Variants in STOX2 observed in about 807,000 individuals in gnomAD.
STOX2 encodes the protein storkhead box 2.
STOX2 carries 28 observed loss-of-function variants against 60.9 expected under a neutral mutation model. The observed-to-expected ratio is 0.46, with a 90% CI of 0.34 to 0.63. The LOEUF is 0.63. Ranked by LOEUF, STOX2 falls within the 30% of genes least tolerant of loss-of-function variation. The probability of loss-of-function intolerance (pLI) is 0.01; values close to 1 mark genes in which losing one functional copy is unlikely to be tolerated. For missense variants in STOX2, 1,024 were observed against 1,187.7 expected, an observed-to-expected ratio of 0.86 and a Z score of 2.03; for synonymous variants, 472 against 463.9, an observed-to-expected ratio of 1.02 and a Z score of -0.22.
chr4:184,001,523 G>C lies in STOX2; in HGVS notation c.319+46G>C, dbSNP rs1359915621. On this transcript the variant is annotated intron_variant, in intron 2 of 3. Transcript: ENST00000308497. The surrounding 1 kb of genome is among the most constrained non-coding windows in gnomAD (Gnocchi z 4.2). ...CACTTTCCAGGTGGCGGTGTGCTGT[G>C]GTCGCTCTAGGACTCACGTGGACTG... 6.3e-7 allele frequency: 1 copy of C among 1,595,858 alleles called. No homozygotes were observed. The highest frequency in any genetic ancestry group is 8.6e-7 in the Non-Finnish European group (1 of 1,168,926).
intron 1 of STOX2, among the ~76,000 whole-genome samples, chr4:183,812,247 A>G (rs1739052007): frequency 6.6e-6 from 1 of 152,098 alleles, no homozygotes; most frequent in African/African-American, 2.4e-5. Context: ...TGATTTTCTT[A>G]AAGTCCAGCA....
intron 2 of STOX2, among the ~76,000 whole-genome samples, chr4:184,005,611 C>T (rs1353051109): frequency 6.6e-6 from 1 of 152,136 alleles, no homozygotes; most frequent in African/African-American, 2.4e-5. Context: ...TCTTTAAGCC[C>T]TCACAATCTG....
At chr4:183,873,988 T>C (rs553980161) in intron 1 of STOX2, among the ~76,000 whole-genome samples, 7 of 152,340 alleles carry the variant, frequency 4.6e-5, no homozygotes, top group African/African-American at 1.4e-4. Flanking sequence ...ACTTGCCTTC[T>C]GTTTCATGAG....
chr4:183,915,885 G>T (rs1489366096), intron 1 of STOX2, among the ~76,000 whole-genome samples: 2 of 152,212 alleles, frequency 1.3e-5, no homozygotes, highest in Non-Finnish European at 2.9e-5. Flanking sequence ...ACATATTTCT[G>T]TTGCTTTAAC....
At chr4:183,861,839 G>A (rs1035838084) in intron 1 of STOX2, among the ~76,000 whole-genome samples, 3 of 152,094 alleles carry the variant, frequency 2.0e-5, no homozygotes, top group Admixed American at 6.6e-5. Flanking sequence ...ATTAGGACCC[G>A]GAAGAGCCCA....
intron 1 of STOX2, among the ~76,000 whole-genome samples, chr4:183,935,804 C>T (rs1466391036): frequency 6.6e-6 from 1 of 152,212 alleles, no homozygotes; most frequent in Non-Finnish European, 1.5e-5. Flanking sequence ...TTTCTCTGCT[C>T]CCCTCTTCTC....
chr4:183,804,264 G>A (rs1561098888), intron 1 of STOX2, among the ~76,000 whole-genome samples: 1 of 152,246 alleles, frequency 6.6e-6, no homozygotes, highest in Non-Finnish European at 1.5e-5. Flanking sequence ...GAGCCGGGAT[G>A]TGAACCCAGG....
intron 1 of STOX2, among the ~76,000 whole-genome samples, chr4:183,872,560 C>T (rs1474631455): frequency 2.6e-5 from 4 of 152,088 alleles, no homozygotes; most frequent in African/African-American, 9.7e-5. Context: ...GTGTCAGAGA[C>T]TTGAAATAGC....
At chr4:183,995,809 C>T (rs1289703935) in intron 1 of STOX2, among the ~76,000 whole-genome samples, 1 of 152,216 alleles carries the variant, frequency 6.6e-6, no homozygotes, top group African/African-American at 2.4e-5. Context: ...CACCAGCCTG[C>T]CCCAGGGGAG....
rs1288786342 is a variant in STOX2, at chr4:184,011,714, T to A, written c.2585+291T>A. 1 of 1,083,072 alleles carries A rather than the reference T, an allele frequency of 9.2e-7. No individual in the cohort carries two copies. Among genetic ancestry groups the A allele is most frequent in the Admixed American group, 3.3e-5 (1 of 29,952 alleles). The allele number at this position is 1,083,072 out of a possible 1,614,324, so 67.1% of individuals were successfully genotyped here. A position where few individuals can be genotyped will look rare whatever the true frequency, so the allele number is the denominator to read the frequency against. ...TATTTCCAGTATTTTTTCTGCTACG[T>A]TCATATTGCCACCCATGCTAAGAGA... On this transcript the variant is annotated intron_variant, in intron 3 of 3. Transcript: ENST00000308497. This position sits in a 1 kb window ranked among gnomAD's most constrained non-coding sequence, Gnocchi z 4.4.
At chr4:183,996,707 C>T (rs943485550) in intron 1 of STOX2, among the ~76,000 whole-genome samples, 1 of 152,068 alleles carries the variant, frequency 6.6e-6, no homozygotes, top group African/African-American at 2.4e-5. Context: ...CTAAACTTCA[C>T]TTAATATATA....
At chr4:183,930,103 A>G (rs1327703242) in intron 1 of STOX2, among the ~76,000 whole-genome samples, 1 of 150,690 alleles carries the variant, frequency 6.6e-6, no homozygotes, top group Non-Finnish European at 1.5e-5. Context: ...TGACCTCGTG[A>G]TCCACCCGCC....
At chr4:183,823,906 G>A (rs1739362094) in intron 1 of STOX2, among the ~76,000 whole-genome samples, 1 of 148,724 alleles carries the variant, frequency 6.7e-6, no homozygotes, top group African/African-American at 2.6e-5. Flanking sequence ...TACAGCATAC[G>A]TTAAAAACAG....
chr4:183,861,886 CAAAGCCCCACGTAACCACCATCCAGGTGG>C (rs1319915825), intron 1 of STOX2, among the ~76,000 whole-genome samples: 1 of 152,162 alleles, frequency 6.6e-6, no homozygotes, highest in Non-Finnish European at 1.5e-5. Flanking sequence ...ATTCAAAGTG[CAAAGCCCCACGTAACCACCATCCAGGTGG>C]TAACTAGAAC....
At position 184,021,863 on chromosome 4, in the gene STOX2, C is replaced by T. The variant is rs1217793021; in HGVS notation, c.*4579C>T. On this transcript the variant is annotated 3_prime_UTR_variant, in exon 4 of 4. Coordinates refer to ENST00000308497, the MANE Select transcript of STOX2 (RefSeq NM_020225.3). The stretch of plus-strand genomic sequence containing the variant: ...ATCTCCTCCGTCACCACAGGCCAGT[C>T]ACAGAACCAACTAGCCACGTGCTGC... 1 of 152,228 alleles carries T rather than the reference C, an allele frequency of 6.6e-6. No individual in the cohort carries two copies. The highest frequency in any genetic ancestry group is 2.4e-5 in the African/African-American group (1 of 41,412). 9.4% of individuals were successfully genotyped at this position (152,228 alleles called of 1,614,324 possible). A position where few individuals can be genotyped will look rare whatever the true frequency, so the allele number is the denominator to read the frequency against.
intron 1 of STOX2, among the ~76,000 whole-genome samples, chr4:183,872,265 G>A (rs936786012): frequency 6.6e-6 from 1 of 152,016 alleles, no homozygotes; most frequent in East Asian, 1.9e-4. Flanking sequence ...CATGTTGGCC[G>A]GGCTAGTCTC....
In STOX2 at chr4:183,860,867, C is replaced by T. The variant is rs370670801; in HGVS notation, c.364+62812C>T. On this transcript the variant is annotated intron_variant, in intron 1 of 2. Coordinates refer to the STOX2 transcript ENST00000513034. Reference sequence around the variant, plus strand: ...AACGATTCCATTTCCATCCGAGTTTCCGTAGGTGGAAGACAGCCTTTCCCA... The same window carrying T: ...AACGATTCCATTTCCATCCGAGTTTTCGTAGGTGGAAGACAGCCTTTCCCA... Among the ~76,000 whole-genome samples, 25 of 152,306 alleles carry T rather than the reference C, an allele frequency of 1.6e-4. No individual in the cohort carries two copies. In the South Asian group the frequency reaches 3.1e-3, roughly 19 times the overall value.
chr4:183,911,278 C>T (rs779073885), intron 1 of STOX2, among the ~76,000 whole-genome samples: 10 of 152,112 alleles, frequency 6.6e-5, no homozygotes, highest in African/African-American at 1.9e-4. Context: ...TAAAGGTATG[C>T]GTTTTAGGAC....
chr4:183,948,797 G>C (rs1423506019), intron 1 of STOX2, among the ~76,000 whole-genome samples: 1 of 152,070 alleles, frequency 6.6e-6, no homozygotes, highest in Admixed American at 6.6e-5. Context: ...CTCCCAAAGT[G>C]CTGGGATTAC....
Sources: allele counts gnomAD v4.1 joint callset (sites outside exome capture counted in the v4.1 genomes callset), GRCh38; gene constraint gnomAD v4.1.1; non-coding constraint Gnocchi (gnomAD v3.1); transcripts MANE v1.5; gene names NCBI Gene and HGNC (gene_info 2026-07-23, HGNC 2026-07-21).